Variants in FAM120C observed in about 807,000 individuals in gnomAD.
FAM120C encodes constitutive coactivator of PPAR-gamma-like protein 2.
FAM120C carries 14 observed loss-of-function variants against 71.2 expected under a neutral mutation model. The observed-to-expected ratio is 0.20, with a 90% CI of 0.13 to 0.31. The LOEUF (loss-of-function observed/expected upper bound fraction) is 0.31. FAM120C is among the 10% of genes least tolerant of loss of function. The probability of loss-of-function intolerance (pLI) is 1.00; values close to 1 mark genes in which losing one functional copy is unlikely to be tolerated. For synonymous variants in FAM120C, 354 were observed against 353.2 expected, an observed-to-expected ratio of 1.00 and a Z score of -0.03; for missense variants, 500 against 879.0, an observed-to-expected ratio of 0.57 and a Z score of 5.45.
intron 4 of FAM120C, among the ~76,000 whole-genome samples, chrX:54,137,473 TATA>T (rs1286595895): frequency 2.7e-5 from 3 of 111,509 alleles, no homozygotes; most frequent in Admixed American, 1.9e-4. Flanking sequence ...ATCCTGCTTT[TATA>T]ATAATAATCT....
chrX:54,156,812 G>A (rs1439537642), intron 3 of FAM120C, among the ~76,000 whole-genome samples: 16 of 105,363 alleles, frequency 1.5e-4, no homozygotes, highest in African/African-American at 5.2e-4. Flanking sequence ...GCCTGAACCT[G>A]GGAGGTGGAG....
At chrX:54,130,772 G>A (rs1403087928) in intron 9 of FAM120C, among the ~76,000 whole-genome samples, 1 of 111,523 alleles carries the variant, frequency 9.0e-6, no homozygotes, top group Non-Finnish European at 1.9e-5. Flanking sequence ...GTATTTGGCT[G>A]GAGTACAGAG....
rs2067357221 is a variant in FAM120C at position 54,182,672 on chromosome X, C to T, written c.527G>A (p.Gly176Asp). The change falls in exon 1 of 16, where the codon GGC (glycine) becomes GAC (aspartate). Residue 176 changes from glycine to aspartate, a missense_variant. Gly to Asp is a moderately conservative substitution (Grantham distance 94). Transcript: ENST00000375180. ...ELVVMFPGGL[G>D]KDRLAEWGRR... ...GCCCCACTCGGCCAGCCGGTCCTTG[C>T]CCAGGCCCCCCGGGAACATGACCAC... is the stretch of plus-strand genomic sequence containing the variant. The T allele has an allele frequency of 8.3e-7, 1 of 1,209,267 alleles. No individual in the cohort carries two copies. Among genetic ancestry groups the T allele is most frequent in the Non-Finnish European group, 1.1e-6 (1 of 894,658 alleles).
At chrX:54,089,599 G>A (rs1184144223) in intron 11 of FAM120C, among the ~76,000 whole-genome samples, 1 of 111,550 alleles carries the variant, frequency 9.0e-6, no homozygotes, top group Non-Finnish European at 1.9e-5. Context: ...AAGGAACAAG[G>A]TTACTAAAGT....
chrX:54,112,358 C>T (rs1443687273), intron 10 of FAM120C, among the ~76,000 whole-genome samples: 4 of 109,355 alleles, frequency 3.7e-5, no homozygotes, highest in Non-Finnish European at 7.6e-5. Flanking sequence ...CAGAGGTTGT[C>T]GTAAGCCGAG....
intron 10 of FAM120C, 115 bp downstream of exon 10, chrX:54,116,430 C>G: frequency 1.1e-6 from 1 of 874,832 alleles, no homozygotes. Context: ...GGCGCATAAG[C>G]CAAACATAAA....
At chrX:54,138,529 A>C (rs1557131073) in intron 4 of FAM120C, among the ~76,000 whole-genome samples, 1 of 104,680 alleles carries the variant, frequency 9.6e-6, no homozygotes, top group African/African-American at 3.5e-5. Context: ...GTACATATAA[A>C]GTTCAGGTAA....
chrX:54,118,863 C>A (rs1193069162), intron 9 of FAM120C, among the ~76,000 whole-genome samples: 2 of 40,868 alleles, frequency 4.9e-5, no homozygotes, highest in East Asian at 9.7e-4. Flanking sequence ...ATCCCTCCCC[C>A]CTCCCCCGAC....
chrX:54,084,746 C>T (rs1296267473), intron 13 of FAM120C, among the ~76,000 whole-genome samples: 10 of 110,084 alleles, frequency 9.1e-5, no homozygotes, highest in African/African-American at 1.3e-4. Flanking sequence ...TGTTTCACCA[C>T]GGGACAGGTT....
At position 54,140,269 on chromosome X, in the gene FAM120C, C is replaced by T. The variant is rs782569975; in HGVS notation, c.1159-3679G>A. 3.0e-5 allele frequency among the ~76,000 whole-genome samples: 3 copies of T among 100,089 alleles called. No homozygotes were observed. The South Asian group carries it at 1.5e-3, about 49-fold the overall frequency. 86.9% of individuals were successfully genotyped at this position (100,089 alleles called of 115,157 possible). On this transcript the variant is annotated intron_variant, in intron 4 of 15. Transcript: ENST00000375180. ...TGAGATCGCACCATTGCACTCCAGC[C>T]TGGGTGACAGAGACTCTGTCTCAAA...
intron 15 of FAM120C, among the ~76,000 whole-genome samples, chrX:54,075,397 A>G (rs1186251297): frequency 8.9e-6 from 1 of 112,102 alleles, no homozygotes; most frequent in Non-Finnish European, 1.9e-5. Flanking sequence ...ATTGTCCAAC[A>G]ACCTGGAAAT....
intron 10 of FAM120C, among the ~76,000 whole-genome samples, chrX:54,095,690 C>T (rs2066847852): frequency 9.1e-6 from 1 of 109,711 alleles, no homozygotes; most frequent in Non-Finnish European, 1.9e-5. Flanking sequence ...GAGTTTCACT[C>T]TTGTTGCCCA....
chrX:54,139,078 G>T (rs140721314), intron 4 of FAM120C, among the ~76,000 whole-genome samples: 1 of 110,850 alleles, frequency 9.0e-6, no homozygotes, highest in African/African-American at 3.3e-5. Context: ...TTTTTATGTA[G>T]GTCTTCTGGG....
At chrX:54,162,708 G>C (rs374130310) in intron 1 of FAM120C, among the ~76,000 whole-genome samples, 1 of 111,916 alleles carries the variant, frequency 8.9e-6, no homozygotes, top group Non-Finnish European at 1.9e-5. Flanking sequence ...ATCCAAGCTC[G>C]AGTAGCAAAG....
At chrX:54,102,959 C>A (rs1268327339) in intron 10 of FAM120C, among the ~76,000 whole-genome samples, 2 of 110,458 alleles carry the variant, frequency 1.8e-5, no homozygotes, top group African/African-American at 6.6e-5. Flanking sequence ...ACCTCATGAT[C>A]TGCCTGCCTC....
intron 4 of FAM120C, among the ~76,000 whole-genome samples, chrX:54,142,162 C>T (rs1175764730): frequency 1.8e-5 from 2 of 112,082 alleles, no homozygotes; most frequent in African/African-American, 6.5e-5. Flanking sequence ...CAGCTCCCAG[C>T]GTGAGCGACA....
chrX:54,078,069 G>C (rs191435577), intron 15 of FAM120C, among the ~76,000 whole-genome samples: 2 of 97,838 alleles, frequency 2.0e-5, no homozygotes, highest in African/African-American at 3.7e-5. Context: ...TCAGCCTCCC[G>C]AGTAGCTGGG....
chrX:54,105,416 A>C (rs782724827), intron 10 of FAM120C, among the ~76,000 whole-genome samples: 6 of 111,728 alleles, frequency 5.4e-5, no homozygotes, highest in Non-Finnish European at 1.1e-4. Context: ...TCTCAAAATA[A>C]TAAGAGCTGT....
chrX:54,155,609 A>T (rs2067205492), intron 3 of FAM120C, among the ~76,000 whole-genome samples: 1 of 111,813 alleles, frequency 8.9e-6, no homozygotes, highest in Non-Finnish European at 1.9e-5. Context: ...GTTTTCTATA[A>T]GAAGAAATAT....
Sources: gnomAD v4.1 joint callset for allele counts (sites outside exome capture counted in the v4.1 genomes callset) on GRCh38, gnomAD v4.1.1 for gene constraint, MANE v1.5 for transcripts, NCBI Gene and HGNC (gene_info 2026-07-23, HGNC 2026-07-21) for gene names.